PHLDB2: variants seen among roughly 807,000 people sequenced by gnomAD.
The protein encoded by PHLDB2 is pleckstrin homology-like domain family B member 2.
PHLDB2 carries 71 observed loss-of-function variants against 123.6 expected under a neutral mutation model. The ratio of observed to expected loss-of-function variants is 0.57; its 90% CI spans 0.47 to 0.70. PHLDB2 has a LOEUF of 0.70. Among genes scored for constraint, PHLDB2 ranks in the 30% least tolerant of loss-of-function variants. PHLDB2 has a pLI of 0.00. For missense variants in PHLDB2, 1,446 were observed against 1,519.5 expected (o/e 0.95, Z 0.80); for synonymous variants, 547 against 541.6 (o/e 1.01, Z -0.14).
At chr3:111,733,860 G>A (rs1941590918) in intron 1 of PHLDB2, among the ~76,000 whole-genome samples, 1 of 152,154 alleles carries the variant, frequency 6.6e-6, no homozygotes, top group Non-Finnish European at 1.5e-5. Flanking sequence ...AGTGGTTCCT[G>A]GCTCCTATAG....
At chr3:111,860,170 G>C (rs2064752563) in intron 1 of PHLDB2, among the ~76,000 whole-genome samples, 1 of 152,182 alleles carries the variant, frequency 6.6e-6, no homozygotes, top group South Asian at 2.1e-4. Context: ...AGAGAGGGAT[G>C]GGGATCCTTG....
At chr3:111,780,271 A>AAAGAAGAAGAAGAAG (rs1553726675) in intron 1 of PHLDB2, among the ~76,000 whole-genome samples, 1 of 7,772 alleles carries the variant, frequency 1.3e-4, no homozygotes, top group African/African-American at 4.1e-4. Flanking sequence ...AAGAAGAAGA[A>AAAGAAGAAGAAGAAG]AAGAAGAAGA....
At chr3:111,937,955 C>A (rs1484017482) in intron 6 of PHLDB2, among the ~76,000 whole-genome samples, 2 of 151,954 alleles carry the variant, frequency 1.3e-5, no homozygotes. Context: ...AAATATATTC[C>A]TGTCTTCAAG....
At chr3:111,920,706 A>G (rs1577086872) in intron 5 of PHLDB2, among the ~76,000 whole-genome samples, 1 of 152,094 alleles carries the variant, frequency 6.6e-6, no homozygotes, top group East Asian at 1.9e-4. Context: ...GCTTTTTTTC[A>G]TTGGCCTTTC....
chr3:111,913,288 C>T, intron 2 of PHLDB2, 31 bp from the exon 3 acceptor site: 3 of 1,166,610 alleles, frequency 2.6e-6, no homozygotes, highest in East Asian at 4.5e-5. Context: ...CTCACAAACC[C>T]ACTGACCTCC....
At chr3:111,762,695 T>C (rs1033387710) in intron 1 of PHLDB2, among the ~76,000 whole-genome samples, 1 of 152,206 alleles carries the variant, frequency 6.6e-6, no homozygotes, top group Non-Finnish European at 1.5e-5. Flanking sequence ...CTGTACGTAG[T>C]TTGTGTCTGA....
intron 11 of PHLDB2, among the ~76,000 whole-genome samples, chr3:111,953,211 G>A (rs35831430): frequency 0.13 from 19,238 of 152,132 alleles, 1,586 homozygotes; most frequent in Non-Finnish European, 0.18. Context: ...TAACCAAGGA[G>A]CCCTCAGCTG....
chr3:111,798,280 T>G (rs1026450280), intron 1 of PHLDB2, among the ~76,000 whole-genome samples: 5 of 152,206 alleles, frequency 3.3e-5, no homozygotes, highest in African/African-American at 1.2e-4. Context: ...ACATTCTAAA[T>G]CTGAGAGTGC....
At chr3:111,966,500 CATGT>C (rs1157876419) in intron 13 of PHLDB2, 109 bp from the exon 14 acceptor site, 535 of 461,988 alleles carry the variant, frequency 1.2e-3, no homozygotes, top group South Asian at 2.4e-3. Context: ...CCCTTGACCC[CATGT>C]GTGTGTGTGT....
chr3:111,923,056 G>T (rs2068611864), intron 5 of PHLDB2, among the ~76,000 whole-genome samples: 1 of 152,100 alleles, frequency 6.6e-6, no homozygotes, highest in Admixed American at 6.5e-5. Context: ...TTAACGATAA[G>T]CTACTACCTT....
At chr3:111,810,180 G>C (rs2061766383) in intron 1 of PHLDB2, among the ~76,000 whole-genome samples, 2 of 152,126 alleles carry the variant, frequency 1.3e-5, no homozygotes, top group Admixed American at 6.5e-5. Flanking sequence ...GACACACACA[G>C]AGGCCATACA....
In PHLDB2 at chr3:111,884,683, T is replaced by G. The variant is rs1037828887; in HGVS notation, c.606T>G (p.Pro202=). 4 of 1,614,146 alleles carry G rather than the reference T, an allele frequency of 2.5e-6. No homozygotes were observed. Among genetic ancestry groups the G allele is most frequent in the Non-Finnish European group, 3.4e-6 (4 of 1,180,028 alleles). ...PISRSGAASM[P]SSPKQARKMS... is the part of the protein sequence containing the mutation. Reference sequence around the variant, plus strand: ...GCAGATCGGGAGCCGCAAGCATGCCTTCAAGCCCAAAGCAAGCCAGGAAAA... The same window carrying G: ...GCAGATCGGGAGCCGCAAGCATGCCGTCAAGCCCAAAGCAAGCCAGGAAAA... Residue 202 remains proline, a synonymous_variant, in exon 2 of 18, where the codon CCT becomes CCG. Coordinates refer to ENST00000431670, the MANE Select transcript of PHLDB2 (RefSeq NM_001134438.2).
chr3:111,781,713 C>T (rs76074513), intron 1 of PHLDB2, among the ~76,000 whole-genome samples: 7,266 of 152,216 alleles, frequency 0.048, 582 homozygotes, highest in African/African-American at 0.16. Context: ...TTTTCTTCCG[C>T]CTTCTGCTAT....
At chr3:111,778,006 A>G (rs763356009) in intron 1 of PHLDB2, among the ~76,000 whole-genome samples, 9 of 151,958 alleles carry the variant, frequency 5.9e-5, no homozygotes, top group Non-Finnish European at 1.2e-4. Flanking sequence ...AGCTGACTAT[A>G]TTGTGGAGAG....
chr3:111,840,858 A>T (rs2063658327), intron 1 of PHLDB2, among the ~76,000 whole-genome samples: 1 of 152,240 alleles, frequency 6.6e-6, no homozygotes, highest in South Asian at 2.1e-4. Context: ...TATTTTATTA[A>T]AAAGAACTAC....
In PHLDB2 at chr3:111,945,300, A is replaced by G. The variant is rs888995933; in HGVS notation, c.2430A>G (p.Lys810=). The change falls in exon 9 of 18, where the codon AAA becomes AAG. Residue 810 remains lysine (K), a synonymous_variant. Transcript: ENST00000431670. ...EKENLCNLEK[K]YSSLSGGKGF... ...AGAATCTTTGTAATTTGGAAAAGAAATACTCCAGCCTCTCTGGGGGGAAAG... is the reference window on the plus strand; with the variant it reads ...AGAATCTTTGTAATTTGGAAAAGAAGTACTCCAGCCTCTCTGGGGGGAAAG... 2 of 1,611,370 alleles carry G rather than the reference A, an allele frequency of 1.2e-6. No homozygotes were observed. The highest frequency in any genetic ancestry group is 2.2e-5 in the South Asian group (2 of 90,834).
upstream of PHLDB2, among the ~76,000 whole-genome samples, chr3:111,857,546 A>G (rs773013332): frequency 4.6e-5 from 7 of 152,170 alleles, no homozygotes; most frequent in Non-Finnish European, 1.0e-4. Context: ...AAAGAGGAGG[A>G]AAGAGATGAC....
At position 111,830,979 on chromosome 3, in the gene PHLDB2, A is replaced by AAG. The variant is rs1479139477; in HGVS notation, c.-48-14840_-48-14839dup. 3.8e-5 allele frequency among the ~76,000 whole-genome samples: 2 copies of AAG among 53,230 alleles called. 1 individual carries two copies. Among genetic ancestry groups the AAG allele is most frequent in the Admixed American group, 4.1e-4 (2 of 4,914 alleles). 34.9% of individuals were successfully genotyped at this position (53,230 alleles called of 152,430 possible). A position where few individuals can be genotyped will look rare whatever the true frequency, so the allele number is the denominator to read the frequency against. On this transcript the variant is annotated intron_variant, in intron 1 of 17. Transcript: ENST00000393923. ...AGAGAAAGAAAGAAAGAAAGAAAGA[A>AAG]AGAAAGAAAGAAAGAAAGAAAGAAA...
At chr3:111,868,923 C>A (rs943130792) in intron 1 of PHLDB2, among the ~76,000 whole-genome samples, 3 of 152,200 alleles carry the variant, frequency 2.0e-5, no homozygotes, top group Non-Finnish European at 4.4e-5. Flanking sequence ...AAAGTTCCTA[C>A]AGACTAGTCT....
Sources: allele counts gnomAD v4.1 joint callset (sites outside exome capture counted in the v4.1 genomes callset), GRCh38; gene constraint gnomAD v4.1.1; transcripts MANE v1.5; gene names NCBI Gene and HGNC (gene_info 2026-07-23, HGNC 2026-07-21).